The following TPCN2 variants were observed in gnomAD, a reference collection of about 807,000 sequenced individuals.
TPCN2 encodes the protein two pore channel protein 2.
In TPCN2, 92 loss-of-function variants were observed where a neutral mutation model predicts 111.4. The observed-to-expected ratio is 0.83, with a 90% CI of 0.70 to 0.98. The LOEUF (loss-of-function observed/expected upper bound fraction) is 0.98, where lower values mean the gene tolerates loss of function less well. Ranked by LOEUF, TPCN2 falls within the 50% of genes least tolerant of loss-of-function variation. The pLI is 0.00. For missense variants in TPCN2, 995 were observed against 980.1 expected (o/e 1.02, Z -0.20); for synonymous variants, 405 against 414.5 (o/e 0.98, Z 0.28).
intron 16 of TPCN2, chr11:69,079,296 C>T (rs1855910543): frequency 4.2e-6 from 2 of 476,522 alleles, no homozygotes; most frequent in South Asian, 3.4e-5. Flanking sequence ...GGACTTGTAG[C>T]CCTGGCCAGC....
At chr11:69,064,637 C>G (rs917719356) in intron 7 of TPCN2, among the ~76,000 whole-genome samples, 1 of 152,242 alleles carries the variant, frequency 6.6e-6, no homozygotes, top group Non-Finnish European at 1.5e-5. Flanking sequence ...TGGGGCCACG[C>G]TGCATCTCTG....
chr11:69,085,692 G>A lies in TPCN2; in HGVS notation c.1860G>A (p.Ser620=). ...CCAGCCTGGCCCCTGCCAATGGCTC[G>A]GCGCCCTGTGGGAGCTTCGAGCAGC... The part of the protein sequence containing the change: ...GNSSLAPANG[S]APCGSFEQLE... The change falls in exon 21 of 25, where the codon TCG becomes TCA. Residue 620 remains serine (S), a synonymous_variant. Coordinates refer to ENST00000294309, the MANE Select transcript of TPCN2 (RefSeq NM_139075.4). 1 of 1,613,640 alleles carries A rather than the reference G, an allele frequency of 6.2e-7. No individual in the cohort carries two copies. The highest frequency in any genetic ancestry group is 8.5e-7 in the Non-Finnish European group (1 of 1,179,844).
chr11:69,068,026 C>T (rs1402444279), intron 8 of TPCN2, among the ~76,000 whole-genome samples: 8 of 152,228 alleles, frequency 5.3e-5, no homozygotes, highest in South Asian at 2.1e-4. Flanking sequence ...CGGTTGCTGC[C>T]GAGGTTCAGC....
intron 17 of TPCN2, among the ~76,000 whole-genome samples, chr11:69,080,759 T>C (rs1270390767): frequency 6.6e-6 from 1 of 152,246 alleles, no homozygotes; most frequent in Non-Finnish European, 1.5e-5. Context: ...GCCACTGTGC[T>C]GTGCCGTGGG....
In TPCN2 at chr11:69,078,962, G is replaced by T; in HGVS notation, c.1481G>T (p.Arg494Leu). The T allele has an allele frequency of 6.2e-7, 1 of 1,614,014 alleles. No homozygotes were observed. The highest frequency in any genetic ancestry group is 8.5e-7 in the Non-Finnish European group (1 of 1,179,990). The stretch of plus-strand genomic sequence containing the variant: ...CTCAAGGTCTTTGCCCTGGGCCTGC[G>T]AGGGTACCTGTCCTACCCCAGCAAC... ...MLLKVFALGL[R>L]GYLSYPSNVF... The change falls in exon 16 of 25, where the codon CGA (arginine) becomes CTA (leucine). Residue 494 changes from arginine (R) to leucine (L), a missense_variant. Physicochemically the swap from Arg to Leu is moderately radical, Grantham distance 102. Transcript: ENST00000294309.
intron 22 of TPCN2, 54 bp from the exon 23 acceptor site, chr11:69,086,456 GGTGTTTGTATCGA>G (rs1229741014): frequency 7.5e-7 from 1 of 1,324,666 alleles, no homozygotes; most frequent in African/African-American, 1.4e-5. Context: ...ACGCAGCAGT[GGTGTTTGTATCGA>G]GTGCTCTTGC....
chr11:69,054,117 T>C lies in TPCN2; in HGVS notation c.174+20T>C. On this transcript the variant is annotated intron_variant, in intron 2 of 24. Coordinates refer to ENST00000294309, the MANE Select transcript of TPCN2 (RefSeq NM_139075.4). ...ATTCAGGTCGGTGGCACCTGCTCCCTGTGGCCGGGCCTGGGGGGTGGCCGC... is the reference window on the plus strand; with the variant it reads ...ATTCAGGTCGGTGGCACCTGCTCCCCGTGGCCGGGCCTGGGGGGTGGCCGC... 1.2e-6 allele frequency: 2 copies of C among 1,609,122 alleles called. No homozygotes were observed. The highest frequency in any genetic ancestry group is 1.7e-6 in the Non-Finnish European group (2 of 1,177,812).
rs1565091827 is a variant in TPCN2, at chr11:69,077,298, G to GC, written c.1231-1181dup. Among the ~76,000 whole-genome samples the GC allele has an allele frequency of 2.0e-4, 9 of 45,880 alleles. 2 individuals carry two copies. Among genetic ancestry groups the GC allele is most frequent in the Non-Finnish European group, 3.3e-4 (6 of 18,376 alleles). 30.1% of individuals were successfully genotyped at this position (45,880 alleles called of 152,430 possible). ...GCCCTCCTGCCATGTCCCTCCACTT[G>GC]CCCTCCTGCCGTGTCCCTCCACCTG... On this transcript the variant is annotated intron_variant, in intron 13 of 24. Coordinates refer to ENST00000294309, the MANE Select transcript of TPCN2 (RefSeq NM_139075.4).
chr11:69,076,003 A>G (rs554355570), intron 13 of TPCN2, among the ~76,000 whole-genome samples: 6 of 152,170 alleles, frequency 3.9e-5, no homozygotes, highest in South Asian at 4.1e-4. Flanking sequence ...TAATGCTGAA[A>G]TCTCTCTTGG....
chr11:69,076,324 C>T (rs140926969), intron 13 of TPCN2, among the ~76,000 whole-genome samples: 105 of 152,274 alleles, frequency 6.9e-4, no homozygotes, highest in Non-Finnish European at 1.2e-3. Context: ...CAGGCAGTGG[C>T]GTGGTCCTGC....
intron 8 of TPCN2, among the ~76,000 whole-genome samples, 167 bp from the exon 9 acceptor site, chr11:69,070,263 T>G (rs2134581742): frequency 6.6e-6 from 1 of 152,244 alleles, no homozygotes; most frequent in African/African-American, 2.4e-5. Context: ...TGACCTCAAG[T>G]GATCCACCCG....
chr11:69,066,714 T>C (rs532707690), intron 7 of TPCN2, among the ~76,000 whole-genome samples: 3 of 152,330 alleles, frequency 2.0e-5, no homozygotes, highest in Admixed American at 2.0e-4. Context: ...GGTTGCTTTG[T>C]GTGCCAAGTC....
chr11:69,072,231 C>CT (rs1050141624), intron 11 of TPCN2, among the ~76,000 whole-genome samples: 1 of 152,176 alleles, frequency 6.6e-6, no homozygotes, highest in African/African-American at 2.4e-5. Context: ...TTCGTGCCCC[C>CT]CGGGGACCCT....
chr11:69,052,811 A>G (rs901315616), intron 1 of TPCN2, among the ~76,000 whole-genome samples: 2 of 152,064 alleles, frequency 1.3e-5, no homozygotes, highest in Non-Finnish European at 2.9e-5. Context: ...GCTGCCTCCC[A>G]TGTCACCACA....
At chr11:69,049,521 C>T (rs1861118560) in intron 1 of TPCN2, among the ~76,000 whole-genome samples, 1 of 152,248 alleles carries the variant, frequency 6.6e-6, no homozygotes, top group Non-Finnish European at 1.5e-5. Flanking sequence ...TTGATTTTTC[C>T]CGTTTCTTCT....
chr11:69,082,369 C>T (rs1484165069), intron 18 of TPCN2, among the ~76,000 whole-genome samples: 10 of 152,280 alleles, frequency 6.6e-5, no homozygotes, highest in African/African-American at 2.4e-4. Context: ...CACAGTCACA[C>T]ATATACAATC....
intron 8 of TPCN2, among the ~76,000 whole-genome samples, chr11:69,070,018 CTTTCTTTCT>C (rs2134580658): frequency 7.7e-6 from 1 of 129,164 alleles, no homozygotes; most frequent in East Asian, 2.1e-4. Context: ...TTCTTTTTTT[CTTTCTTTCT>C]TTTTTTTTTT....
chr11:69,078,190 A>G (rs1341894585), intron 13 of TPCN2, among the ~76,000 whole-genome samples: 2 of 150,554 alleles, frequency 1.3e-5, no homozygotes, highest in African/African-American at 4.9e-5. Flanking sequence ...TCAGGGTGAC[A>G]CTTTGCGTAT....
chr11:69,051,202 G>A (rs974002374), intron 1 of TPCN2, among the ~76,000 whole-genome samples: 4 of 152,244 alleles, frequency 2.6e-5, no homozygotes, highest in Admixed American at 1.3e-4. Flanking sequence ...CTGTTGGGTC[G>A]TTTTGACTTG....
Sources: allele counts gnomAD v4.1 joint callset (sites outside exome capture counted in the v4.1 genomes callset), GRCh38; gene constraint gnomAD v4.1.1; transcripts MANE v1.5; gene names NCBI Gene and HGNC (gene_info 2026-07-23, HGNC 2026-07-21).